Variants in IL1RAPL2 observed in about 807,000 individuals in gnomAD.
The protein encoded by IL1RAPL2 is interleukin 1 receptor accessory protein like 2, also known as X-linked interleukin-1 receptor accessory protein-like 2.
IL1RAPL2 carries 3 observed loss-of-function variants against 44.1 expected under a neutral mutation model. That is an observed-to-expected ratio of 0.07 (90% CI 0.03 to 0.18). The LOEUF is 0.18. IL1RAPL2 is among the 10% of genes least tolerant of loss of function. The pLI is 1.00. For synonymous variants in IL1RAPL2, 181 were observed against 178.8 expected (o/e 1.01, Z -0.10); for missense variants, 391 against 496.4 (o/e 0.79, Z 2.02).
At chrX:105,748,197 C>A (rs1026746908) in intron 8 of IL1RAPL2, among the ~76,000 whole-genome samples, 1 of 111,696 alleles carries the variant, frequency 9.0e-6, no homozygotes, top group African/African-American at 3.3e-5. Flanking sequence ...ATTATGTCTT[C>A]TTCCATTATA....
chrX:104,717,870 A>C (rs1450755383), intron 2 of IL1RAPL2, among the ~76,000 whole-genome samples: 6 of 107,719 alleles, frequency 5.6e-5, no homozygotes, highest in East Asian at 2.9e-4. Context: ...GTTTTTTGTC[A>C]TTGCGATAGT....
chrX:105,318,147 T>A (rs1462557835), intron 5 of IL1RAPL2, among the ~76,000 whole-genome samples: 1 of 110,443 alleles, frequency 9.1e-6, no homozygotes, highest in African/African-American at 3.3e-5. Flanking sequence ...TAATTTTTTC[T>A]ATTTTTTAGT....
chrX:105,145,417 C>G (rs1225346376), intron 2 of IL1RAPL2, among the ~76,000 whole-genome samples: 2 of 111,422 alleles, frequency 1.8e-5, no homozygotes, highest in Non-Finnish European at 3.8e-5. Flanking sequence ...CCTAGAATTC[C>G]CCTGCAATCG....
At chrX:104,658,763 A>C in intron 1 of IL1RAPL2, 132 bp from the exon 2 acceptor site, 1 of 447,542 alleles carries the variant, frequency 2.2e-6, no homozygotes, top group Admixed American at 4.5e-5. Flanking sequence ...ATTTGCAAAA[A>C]ATAAAGCCAG....
intron 2 of IL1RAPL2, among the ~76,000 whole-genome samples, chrX:104,963,342 A>G (rs1287838676): frequency 8.0e-5 from 9 of 112,446 alleles, no homozygotes; most frequent in Non-Finnish European, 1.7e-4. Context: ...AGGTTTCATC[A>G]TAAATGTAGT....
chrX:104,616,525 A>T (rs1300744558), intron 1 of IL1RAPL2, among the ~76,000 whole-genome samples: 1 of 112,304 alleles, frequency 8.9e-6, no homozygotes, highest in Non-Finnish European at 1.9e-5. Flanking sequence ...TTTGAAAGTC[A>T]TGCGGCTGGA....
rs374222805 is a variant in IL1RAPL2, at chrX:105,397,346, G to A, written c.698-86967G>A. Among the ~76,000 whole-genome samples the A allele has an allele frequency of 1.5e-4, 17 of 110,898 alleles. 1 individual carries two copies. The East Asian group carries it at 4.3e-3, about 28-fold the overall frequency. The stretch of plus-strand genomic sequence containing the variant: ...CAGTTCCTTGTGCCAAAAAGGTTGG[G>A]GTCATTGAGTTAGGGGATCACTGTC... On this transcript the variant is annotated intron_variant, in intron 5 of 10. Coordinates refer to ENST00000372582, the MANE Select transcript of IL1RAPL2 (RefSeq NM_017416.2).
intron 1 of IL1RAPL2, among the ~76,000 whole-genome samples, chrX:104,577,831 T>C (rs1165576347): frequency 9.0e-6 from 1 of 110,807 alleles, no homozygotes; most frequent in Non-Finnish European, 1.9e-5. Flanking sequence ...GATAGTTGAC[T>C]ACATGCTGGG....
chrX:104,781,291 G>A (rs1289808326), intron 2 of IL1RAPL2, among the ~76,000 whole-genome samples: 1 of 110,712 alleles, frequency 9.0e-6, no homozygotes, highest in South Asian at 3.9e-4. Flanking sequence ...TGGGGTTCAC[G>A]GTACTTAAGA....
At chrX:105,709,095 T>C (rs1245115032) in intron 6 of IL1RAPL2, among the ~76,000 whole-genome samples, 1 of 112,186 alleles carries the variant, frequency 8.9e-6, no homozygotes, top group Non-Finnish European at 1.9e-5. Flanking sequence ...CATAGGGAGC[T>C]TTTAAAAATT....
At position 105,194,627 on chromosome X, in the gene IL1RAPL2, G is replaced by A. The variant is rs1194022732; in HGVS notation, c.83-848G>A. Among the ~76,000 whole-genome samples, 3 of 110,987 alleles carry A rather than the reference G, an allele frequency of 2.7e-5. No homozygotes were observed. In the Admixed American group the frequency reaches 2.9e-4, roughly 11 times the overall value. ...ATATAATATATTCCCATGAGCACTCGGCAGCTAAGCAGAAAGGGAGGCCTA... is the reference window on the plus strand; with the variant it reads ...ATATAATATATTCCCATGAGCACTCAGCAGCTAAGCAGAAAGGGAGGCCTA... On this transcript the variant is annotated intron_variant, in intron 2 of 10. Coordinates refer to ENST00000372582, the MANE Select transcript of IL1RAPL2 (RefSeq NM_017416.2).
At chrX:105,417,862 G>A (rs2035745566) in intron 5 of IL1RAPL2, among the ~76,000 whole-genome samples, 1 of 111,831 alleles carries the variant, frequency 8.9e-6, no homozygotes, top group Admixed American at 9.5e-5. Flanking sequence ...TAGAGAATAT[G>A]ACACGTATGC....
chrX:105,432,552 G>GC (rs922263193), intron 5 of IL1RAPL2, among the ~76,000 whole-genome samples: 3 of 110,977 alleles, frequency 2.7e-5, no homozygotes, highest in Non-Finnish European at 3.8e-5. Flanking sequence ...CTATCATTAA[G>GC]CCCCCCCTTT....
chrX:104,853,852 G>A (rs1396564540), intron 2 of IL1RAPL2, among the ~76,000 whole-genome samples: 2 of 99,684 alleles, frequency 2.0e-5, no homozygotes, highest in East Asian at 6.4e-4. Flanking sequence ...GCAGTGAGCC[G>A]AGATCGCGCC....
intron 1 of IL1RAPL2, among the ~76,000 whole-genome samples, chrX:104,636,758 A>G (rs1204470235): frequency 8.9e-6 from 1 of 112,292 alleles, no homozygotes; most frequent in Non-Finnish European, 1.9e-5. Context: ...TTCTTTGACT[A>G]GGAAAGGGAA....
At chrX:105,187,910 T>C (rs1398774998) in intron 2 of IL1RAPL2, among the ~76,000 whole-genome samples, 1 of 111,882 alleles carries the variant, frequency 8.9e-6, no homozygotes, top group Non-Finnish European at 1.9e-5. Flanking sequence ...GAAGGTTATG[T>C]TAATTAGCTT....
chrX:105,082,448 T>A (rs1423748338), intron 2 of IL1RAPL2, among the ~76,000 whole-genome samples: 2 of 111,672 alleles, frequency 1.8e-5, no homozygotes, highest in Admixed American at 1.9e-4. Context: ...GTTCAAACTT[T>A]ACTAAGGATC....
chrX:104,590,306 A>G (rs1004546780), intron 1 of IL1RAPL2, among the ~76,000 whole-genome samples: 3 of 111,679 alleles, frequency 2.7e-5, no homozygotes, highest in Admixed American at 1.9e-4. Context: ...CGATCTCTCA[A>G]AATGCTGGGA....
In IL1RAPL2 at chrX:104,583,495, C is replaced by A. The variant is rs183271001; in HGVS notation, c.-20+16444C>A. 1.7e-4 allele frequency among the ~76,000 whole-genome samples: 19 copies of A among 112,090 alleles called. No homozygotes were observed. The Admixed American group carries it at 1.7e-3, about 10-fold the overall frequency. On this transcript the variant is annotated intron_variant, in intron 1 of 10. Coordinates refer to ENST00000372582, the MANE Select transcript of IL1RAPL2 (RefSeq NM_017416.2). The stretch of plus-strand genomic sequence containing the variant: ...AGCAATTCGTATAAATGGAATCATA[C>A]ACTATGTGGCATTTTGCATCTAGCT...
Sources: gnomAD v4.1 joint callset for allele counts (sites outside exome capture counted in the v4.1 genomes callset) on GRCh38, gnomAD v4.1.1 for gene constraint, MANE v1.5 for transcripts, NCBI Gene and HGNC (gene_info 2026-07-23, HGNC 2026-07-21) for gene names.